GAP43: variants seen among roughly 807,000 people sequenced by gnomAD.
GAP43 encodes neuromodulin.
A neutral mutation model predicts 18.6 loss-of-function variants in GAP43; 6 were observed. That is an observed-to-expected ratio of 0.32 (90% CI 0.18 to 0.64). The LOEUF is 0.64. GAP43 is among the 30% of genes least tolerant of loss of function. GAP43 has a pLI of 0.78. For missense variants in GAP43, 292 were observed against 295.5 expected (o/e 0.99, Z 0.09); for synonymous variants, 115 against 111.4 (o/e 1.03, Z -0.20).
At chr3:115,664,274 G>A (rs1287339686) in intron 1 of GAP43, among the ~76,000 whole-genome samples, 1 of 143,662 alleles carries the variant, frequency 7.0e-6, no homozygotes, top group Non-Finnish European at 1.6e-5. Flanking sequence ...GTGTTAGTGG[G>A]AGGCATTTAT....
At chr3:115,719,674 G>A (rs1709553373) in intron 2 of GAP43, among the ~76,000 whole-genome samples, 1 of 152,202 alleles carries the variant, frequency 6.6e-6, no homozygotes, top group South Asian at 2.1e-4. Flanking sequence ...CTTTGCCCAT[G>A]CGCAACTTTC....
intron 2 of GAP43, among the ~76,000 whole-genome samples, chr3:115,686,884 T>C (rs898496318): frequency 3.3e-5 from 5 of 152,192 alleles, no homozygotes; most frequent in African/African-American, 9.7e-5. Flanking sequence ...TAATTTTTAG[T>C]GAGAAAGATG....
At chr3:115,707,448 C>T (rs1709378680) in intron 2 of GAP43, among the ~76,000 whole-genome samples, 1 of 152,004 alleles carries the variant, frequency 6.6e-6, no homozygotes, top group South Asian at 2.1e-4. Flanking sequence ...TGCCACCATG[C>T]CCAGCTAATT....
chr3:115,674,174 C>T (rs1708849404), intron 1 of GAP43, among the ~76,000 whole-genome samples: 1 of 152,284 alleles, frequency 6.6e-6, no homozygotes, highest in South Asian at 2.1e-4. Context: ...TGAGAAGAGG[C>T]GCCGAACATG....
intron 2 of GAP43, among the ~76,000 whole-genome samples, chr3:115,698,830 G>A (rs1235327118): frequency 6.6e-6 from 1 of 152,120 alleles, no homozygotes; most frequent in Non-Finnish European, 1.5e-5. Context: ...TACATATAAT[G>A]ACTTGGCCCT....
intron 1 of GAP43, chr3:115,663,687 A>G: frequency 6.7e-7 from 1 of 1,486,736 alleles, no homozygotes; most frequent in South Asian, 1.4e-5. Context: ...TATTGTAAAG[A>G]GATCTCAAAA....
chr3:115,691,345 T>G (rs527336419), intron 2 of GAP43, among the ~76,000 whole-genome samples: 37 of 152,220 alleles, frequency 2.4e-4, no homozygotes, highest in Non-Finnish European at 3.7e-4. Context: ...CAGAGCGATC[T>G]TGGAATCGGA....
chr3:115,635,935 TCTC>T (rs1708322710), intron 1 of GAP43, among the ~76,000 whole-genome samples: 1 of 152,062 alleles, frequency 6.6e-6, no homozygotes, highest in South Asian at 2.1e-4. Flanking sequence ...CTTCTACCGT[TCTC>T]CTGCATTATC....
At chr3:115,642,803 T>C (rs545406871) in intron 1 of GAP43, among the ~76,000 whole-genome samples, 3 of 152,142 alleles carry the variant, frequency 2.0e-5, no homozygotes, top group Non-Finnish European at 4.4e-5. Context: ...TTGTTGATAA[T>C]GATATTTTAT....
chr3:115,671,543 T>C (rs1414302396), intron 1 of GAP43, among the ~76,000 whole-genome samples: 1 of 152,202 alleles, frequency 6.6e-6, no homozygotes, highest in African/African-American at 2.4e-5. Flanking sequence ...GTAAAAAATA[T>C]TAAGCCATAA....
intron 1 of GAP43, among the ~76,000 whole-genome samples, chr3:115,670,472 A>G (rs1292905953): frequency 2.0e-5 from 3 of 152,068 alleles, no homozygotes; most frequent in Non-Finnish European, 2.9e-5. Context: ...CATTCCATCT[A>G]TAGAACTGGA....
chr3:115,715,565 G>T (rs1434328618), intron 2 of GAP43, among the ~76,000 whole-genome samples: 1 of 152,168 alleles, frequency 6.6e-6, no homozygotes, highest in African/African-American at 2.4e-5. Context: ...GTGACCAGCT[G>T]GCCCCAGCCA....
At position 115,713,724 on chromosome 3, in the gene GAP43, A is replaced by T. The variant is rs539825938; in HGVS notation, c.629-7070A>T. On this transcript the variant is annotated intron_variant, in intron 2 of 2. Transcript: ENST00000305124. ...CATACATCTTTCAAGGACCACTGTG[A>T]AATTGTCCACTTAATCCCCTGAATC... 2.1e-4 allele frequency among the ~76,000 whole-genome samples: 32 copies of T among 152,350 alleles called. No homozygotes were observed. The South Asian group carries it at 5.6e-3, about 27-fold the overall frequency.
chr3:115,691,001 C>T (rs905314765), intron 2 of GAP43, among the ~76,000 whole-genome samples: 2 of 151,858 alleles, frequency 1.3e-5, no homozygotes, highest in Non-Finnish European at 2.9e-5. Flanking sequence ...ATGATCCACC[C>T]GCCTCGGCCT....
intron 2 of GAP43, among the ~76,000 whole-genome samples, chr3:115,682,993 T>C (rs997949297): frequency 2.0e-5 from 3 of 152,172 alleles, no homozygotes; most frequent in Admixed American, 6.5e-5. Flanking sequence ...AAAACAGACA[T>C]GTTCTTCCCC....
At chr3:115,678,934 C>T (rs557342476) in intron 2 of GAP43, among the ~76,000 whole-genome samples, 1 of 150,606 alleles carries the variant, frequency 6.6e-6, no homozygotes, top group African/African-American at 2.4e-5. Flanking sequence ...GCACAAATTA[C>T]TCCGCTGTGA....
chr3:115,678,461 T>G (rs1394023182), intron 2 of GAP43, among the ~76,000 whole-genome samples: 2 of 152,192 alleles, frequency 1.3e-5, no homozygotes, highest in Non-Finnish European at 2.9e-5. Context: ...AATTAAGTTT[T>G]ATTATGTTTC....
chr3:115,665,055 A>C (rs1708716330), intron 1 of GAP43, among the ~76,000 whole-genome samples: 1 of 152,154 alleles, frequency 6.6e-6, no homozygotes, highest in Non-Finnish European at 1.5e-5. Flanking sequence ...GTAGAATGTT[A>C]AGGTGTGTAC....
intron 1 of GAP43, chr3:115,661,046 A>G (rs1348603695): frequency 6.6e-6 from 1 of 152,194 alleles, no homozygotes; most frequent in Admixed American, 6.5e-5. Context: ...GATCCTTTGT[A>G]TAGTGACTTA....
Sources: gnomAD v4.1 joint callset for allele counts (sites outside exome capture counted in the v4.1 genomes callset) on GRCh38, gnomAD v4.1.1 for gene constraint, MANE v1.5 for transcripts, NCBI Gene and HGNC (gene_info 2026-07-23, HGNC 2026-07-21) for gene names.